TAFA2: variants seen among roughly 807,000 people sequenced by gnomAD.
The protein encoded by TAFA2 is chemokine-like protein TAFA-2.
In TAFA2, 7 loss-of-function variants were observed where a neutral mutation model predicts 18.8. The observed-to-expected ratio is 0.37, with a 90% CI of 0.21 to 0.70. The LOEUF is 0.70. Among genes scored for constraint, TAFA2 ranks in the 30% least tolerant of loss-of-function variants. The pLI, the probability that TAFA2 is intolerant of heterozygous loss-of-function variation, is 0.53. For synonymous variants in TAFA2, 60 were observed against 54.2 expected, an observed-to-expected ratio of 1.11 and a Z score of -0.47; for missense variants, 122 against 158.1, an observed-to-expected ratio of 0.77 and a Z score of 1.23.
chr12:61,807,535 T>C (rs753056127), intron 2 of TAFA2, among the ~76,000 whole-genome samples: 2 of 151,156 alleles, frequency 1.3e-5, no homozygotes, highest in Non-Finnish European at 2.9e-5. Flanking sequence ...AATGGAGCTG[T>C]GAGATGAGGG....
At chr12:61,923,187 C>T (rs905906635) in intron 1 of TAFA2, among the ~76,000 whole-genome samples, 2 of 152,198 alleles carry the variant, frequency 1.3e-5, no homozygotes, top group African/African-American at 2.4e-5. Flanking sequence ...ATGTTCCTGC[C>T]TGTCGGCTCT....
chr12:61,853,218 T>C (rs1873749866), intron 2 of TAFA2, among the ~76,000 whole-genome samples: 1 of 152,064 alleles, frequency 6.6e-6, no homozygotes, highest in African/African-American at 2.4e-5. Context: ...TAATTAAAAA[T>C]ACAAGAGGCA....
chr12:62,152,887 T>C (rs2062338323), intron 1 of TAFA2, among the ~76,000 whole-genome samples: 1 of 152,190 alleles, frequency 6.6e-6, no homozygotes, highest in African/African-American at 2.4e-5. Context: ...GACAAAAAGC[T>C]GCCAAGGTAT....
intron 1 of TAFA2, among the ~76,000 whole-genome samples, chr12:61,996,910 A>G (rs1447059353): frequency 6.6e-6 from 1 of 152,136 alleles, no homozygotes; most frequent in Non-Finnish European, 1.5e-5. Flanking sequence ...ATGACCATAA[A>G]TCCTGCTTAG....
intron 1 of TAFA2, among the ~76,000 whole-genome samples, chr12:61,964,476 C>G (rs1395916415): frequency 6.6e-6 from 1 of 151,696 alleles, no homozygotes; most frequent in Non-Finnish European, 1.5e-5. Flanking sequence ...ATGTTCTGAC[C>G]TATACTTAAT....
chr12:61,826,340 G>C lies in TAFA2; in HGVS notation c.106+40980C>G, dbSNP rs560468142. Among the ~76,000 whole-genome samples, 5 of 148,980 alleles carry C rather than the reference G, an allele frequency of 3.4e-5. No homozygotes were observed. In the South Asian group the frequency reaches 8.5e-4, roughly 25 times the overall value. On this transcript the variant is annotated intron_variant, in intron 2 of 4. Transcript: ENST00000416284. ...TTCAAAACTTCTAATTAGTTCATCT[G>C]TGTGTGTGTGTGTGTGTGTGTGTAT...
intron 1 of TAFA2, among the ~76,000 whole-genome samples, chr12:62,108,695 G>A (rs1000958572): frequency 6.6e-6 from 1 of 152,178 alleles, no homozygotes; most frequent in Admixed American, 6.5e-5. Context: ...GGTGTGAGAT[G>A]GTATCTCATT....
At chr12:62,131,673 T>C (rs1026290610) in intron 1 of TAFA2, among the ~76,000 whole-genome samples, 2 of 152,014 alleles carry the variant, frequency 1.3e-5, no homozygotes, top group African/African-American at 4.8e-5. Context: ...CACTTGAGTG[T>C]AAATTTTGTA....
intron 1 of TAFA2, among the ~76,000 whole-genome samples, chr12:62,109,978 C>A (rs913190459): frequency 1.2e-4 from 19 of 152,310 alleles, no homozygotes; most frequent in Middle Eastern, 3.4e-3. Context: ...ATTTCTTTCT[C>A]TTGCCTGGTT....
In TAFA2 at chr12:61,922,297, T is replaced by C. The variant is rs116531965; in HGVS notation, c.-1-54871A>G. Among the ~76,000 whole-genome samples the C allele has an allele frequency of 9.4e-3, 1,434 of 152,056 alleles. 24 individuals are homozygous for C. Among genetic ancestry groups the C allele is most frequent in the African/African-American group, 0.033 (1,352 of 41,490 alleles). Reference sequence around the variant, plus strand: ...CTCCTCGGGGTGAAAGGAAATAGGATCCAATGCTGGGCAAGATGGCTGAAT... The same window carrying C: ...CTCCTCGGGGTGAAAGGAAATAGGACCCAATGCTGGGCAAGATGGCTGAAT... On this transcript the variant is annotated intron_variant, in intron 1 of 4. Transcript: ENST00000416284.
chr12:61,788,723 C>T (rs955744902), intron 2 of TAFA2, among the ~76,000 whole-genome samples: 1 of 151,642 alleles, frequency 6.6e-6, no homozygotes, highest in Admixed American at 6.6e-5. Flanking sequence ...ACTGACACAA[C>T]TGAAATATAA....
At chr12:62,029,870 C>T (rs1320211263) in intron 1 of TAFA2, among the ~76,000 whole-genome samples, 1 of 151,724 alleles carries the variant, frequency 6.6e-6, no homozygotes, top group African/African-American at 2.4e-5. Flanking sequence ...ACACCCCATG[C>T]AGGACTCTAG....
chr12:61,823,930 G>A (rs1484307165), intron 2 of TAFA2, among the ~76,000 whole-genome samples: 2 of 152,136 alleles, frequency 1.3e-5, no homozygotes, highest in Non-Finnish European at 2.9e-5. Flanking sequence ...GGTGTCTATA[G>A]TCTTATAGAA....
At chr12:61,719,040 T>G (rs7489171) in intron 4 of TAFA2, among the ~76,000 whole-genome samples, 79,532 of 152,032 alleles carry the variant, frequency 0.52, 21,026 homozygotes, top group East Asian at 0.6. Flanking sequence ...CTTGAGATAC[T>G]GAAACCACCT....
intron 1 of TAFA2, among the ~76,000 whole-genome samples, chr12:61,934,255 C>T (rs1877675258): frequency 6.6e-6 from 1 of 152,116 alleles, no homozygotes; most frequent in Non-Finnish European, 1.5e-5. Context: ...AGGGGAGTGG[C>T]CTAAGGTAAT....
intron 1 of TAFA2, among the ~76,000 whole-genome samples, chr12:61,948,310 G>A (rs757122480): frequency 6.6e-6 from 1 of 152,156 alleles, no homozygotes; most frequent in Non-Finnish European, 1.5e-5. Flanking sequence ...AAGCCAAGAT[G>A]AAAATTCAGG....
intron 1 of TAFA2, among the ~76,000 whole-genome samples, chr12:62,087,812 G>C (rs1169401871): frequency 6.6e-6 from 1 of 152,132 alleles, no homozygotes; most frequent in Non-Finnish European, 1.5e-5. Context: ...AGATCCATTA[G>C]GAGTTGTTCT....
chr12:61,923,524 A>G (rs1877148219), intron 1 of TAFA2, among the ~76,000 whole-genome samples: 1 of 152,186 alleles, frequency 6.6e-6, no homozygotes. Flanking sequence ...GAAAACTAAC[A>G]AACAAAAATA....
chr12:62,014,919 C>T (rs1319841036), intron 1 of TAFA2, among the ~76,000 whole-genome samples: 1 of 152,156 alleles, frequency 6.6e-6, no homozygotes, highest in Non-Finnish European at 1.5e-5. Flanking sequence ...AAAAGCCATC[C>T]ATTTCATCGT....
Sources: gnomAD v4.1 joint callset for allele counts (sites outside exome capture counted in the v4.1 genomes callset) on GRCh38, gnomAD v4.1.1 for gene constraint, MANE v1.5 for transcripts, NCBI Gene and HGNC (gene_info 2026-07-23, HGNC 2026-07-21) for gene names.